DGAT2: variants seen among roughly 807,000 people sequenced by gnomAD.
DGAT2 encodes the protein diacylglycerol O-acyltransferase 2.
A neutral mutation model predicts 48.4 loss-of-function variants in DGAT2; 33 were observed. The ratio of observed to expected loss-of-function variants is 0.68; its 90% CI spans 0.52 to 0.91. DGAT2 has a LOEUF of 0.91. DGAT2 is among the 40% of genes least tolerant of loss of function. The pLI, the probability that DGAT2 is intolerant of heterozygous loss-of-function variation, is 0.00. For missense variants in DGAT2, 446 were observed against 493.7 expected (o/e 0.90, Z 0.92); for synonymous variants, 191 against 194.1 (o/e 0.98, Z 0.13).
chr11:75,796,222 A>G, intron 4 of DGAT2, 106 bp from the exon 5 acceptor site: 1 of 935,500 alleles, frequency 1.1e-6, no homozygotes, highest in Non-Finnish European at 1.7e-6. Flanking sequence ...CCTCAGGCCC[A>G]TGGAGGTCCA....
At chr11:75,790,345 C>A in intron 3 of DGAT2, 50 bp downstream of exon 3, 1 of 1,461,620 alleles carries the variant, frequency 6.8e-7, no homozygotes, top group Non-Finnish European at 9.6e-7. Flanking sequence ...GGATGCTCTT[C>A]CCCCTGCACA....
At position 75,800,593 on chromosome 11, in the gene DGAT2, G is replaced by T; in HGVS notation, c.*85G>T. 2.1e-6 allele frequency: 3 copies of T among 1,461,304 alleles called. No individual in the cohort carries two copies. Among genetic ancestry groups the T allele is most frequent in the Non-Finnish European group, 2.8e-6 (3 of 1,088,050 alleles). 90.5% of individuals were successfully genotyped at this position (1,461,304 alleles called of 1,614,324 possible). A position where few individuals can be genotyped will look rare whatever the true frequency, so the allele number is the denominator to read the frequency against. On this transcript the variant is annotated 3_prime_UTR_variant, in exon 8 of 8. Transcript: ENST00000228027. The stretch of plus-strand genomic sequence containing the variant: ...AAATTTGGAAGTGTCATGGGTGTCT[G>T]TGGGTTATTTAAAAGAAATTATAAC...
rs1160331557 is a variant in DGAT2, at chr11:75,797,282, A to T, written c.759A>T (p.Ala253=). 6.4e-7 allele frequency: 1 copy of T among 1,571,034 alleles called. No homozygotes were observed. Among genetic ancestry groups the T allele is most frequent in the East Asian group, 2.4e-5 (1 of 41,806 alleles). Residue 253 remains alanine, a synonymous_variant, in exon 6 of 8, where the codon GCA becomes GCT. Coordinates refer to ENST00000228027, the MANE Select transcript of DGAT2 (RefSeq NM_032564.5). The part of the protein sequence containing the change: ...ESLSSMPGKN[A]VTLRNRKGFV... ...TGAGCTCCATGCCTGGCAAGAATGC[A>T]GTCACCCTGCGGAACCGCAAGGGCT...
intron 1 of DGAT2, among the ~76,000 whole-genome samples, chr11:75,771,723 CT>C (rs1944759720): frequency 6.6e-6 from 1 of 152,130 alleles, no homozygotes; most frequent in South Asian, 2.1e-4. Context: ...TTCCGTGTGG[CT>C]TCCCCCCTCA....
chr11:75,794,928 T>G (rs1286731820), intron 4 of DGAT2: 2 of 11,574 alleles, frequency 1.7e-4, no homozygotes, highest in Non-Finnish European at 2.1e-4. Context: ...TCCCCTCCCC[T>G]CCCCTCCCCT....
At chr11:75,789,732 A>G (rs776777998) in intron 2 of DGAT2, among the ~76,000 whole-genome samples, 2 of 152,166 alleles carry the variant, frequency 1.3e-5, no homozygotes, top group Non-Finnish European at 2.9e-5. Flanking sequence ...TATCTCTAAA[A>G]TGGGGCAAAG....
intron 1 of DGAT2, among the ~76,000 whole-genome samples, chr11:75,771,914 T>C (rs1331602910): frequency 1.3e-5 from 2 of 152,146 alleles, no homozygotes; most frequent in Admixed American, 6.5e-5. Flanking sequence ...CAGCAAGTAC[T>C]TGAGTTGTAA....
chr11:75,788,629 G>A (rs1398721243), intron 2 of DGAT2, among the ~76,000 whole-genome samples: 1 of 152,110 alleles, frequency 6.6e-6, no homozygotes. Flanking sequence ...TTCTCCCATG[G>A]GAAACCAAAG....
In DGAT2 at chr11:75,798,136, G is replaced by A. The variant is rs907486238; in HGVS notation, c.810-91G>A. On this transcript the variant is annotated intron_variant, in intron 6 of 7. Transcript: ENST00000228027. ...TCTGGTACACCCAGCTGGGGGAGGG[G>A]GATGCTTGGCCAGTGTCCAGGGCCT... The A allele has an allele frequency of 3.5e-5, 46 of 1,328,690 alleles. No individual in the cohort carries two copies. In the African/African-American group the frequency reaches 5.1e-4, roughly 15 times the overall value. 82.3% of individuals were successfully genotyped at this position (1,328,690 alleles called of 1,614,324 possible).
At chr11:75,771,303 G>A (rs542650867) in intron 1 of DGAT2, among the ~76,000 whole-genome samples, 30 of 152,236 alleles carry the variant, frequency 2.0e-4, no homozygotes, top group African/African-American at 7.2e-4. Flanking sequence ...CAGGACAGGA[G>A]GGATATATAT....
intron 1 of DGAT2, among the ~76,000 whole-genome samples, chr11:75,784,209 C>T (rs1201502154): frequency 2.6e-5 from 4 of 152,102 alleles, no homozygotes; most frequent in Non-Finnish European, 4.4e-5. Flanking sequence ...TGTCCTTGGC[C>T]TCACAGACAG....
intron 7 of DGAT2, among the ~76,000 whole-genome samples, chr11:75,799,838 G>C (rs1945092931): frequency 6.6e-6 from 1 of 151,858 alleles, no homozygotes; most frequent in Non-Finnish European, 1.5e-5. Flanking sequence ...GGCTGGTCTT[G>C]AACTCATGAG....
At chr11:75,769,174 G>A in intron 1 of DGAT2, 62 bp downstream of exon 1, 1 of 1,501,962 alleles carries the variant, frequency 6.7e-7, no homozygotes, top group Non-Finnish European at 8.8e-7. Context: ...GGGCCCTGTG[G>A]CAGGCTGGTG....
chr11:75,798,154 C>T, intron 6 of DGAT2, 73 bp from the exon 7 acceptor site: 1 of 1,519,600 alleles, frequency 6.6e-7, no homozygotes, highest in Non-Finnish European at 9.1e-7. Context: ...GGCCAGTGTC[C>T]AGGGCCTCTA....
At chr11:75,797,119 A>G (rs902630200) in intron 5 of DGAT2, 39 bp from the exon 6 acceptor site, 2 of 1,442,898 alleles carry the variant, frequency 1.4e-6, no homozygotes, top group Non-Finnish European at 1.8e-6. Flanking sequence ...GAGTGGATCC[A>G]TGGGCAACCC....
chr11:75,794,855 T>A (rs1945030693), intron 4 of DGAT2: 1 of 152,204 alleles, frequency 6.6e-6, no homozygotes, highest in African/African-American at 2.4e-5. Context: ...ATGGATTTTT[T>A]AAATTTTCTT....
At chr11:75,798,191 A>C (rs1348279587) in intron 6 of DGAT2, 36 bp from the exon 7 acceptor site, 1 of 1,604,758 alleles carries the variant, frequency 6.2e-7, no homozygotes, top group Non-Finnish European at 8.5e-7. Context: ...GAAGCCAGTA[A>C]GTAGGGTATG....
At chr11:75,797,113 G>A in intron 5 of DGAT2, 45 bp from the exon 6 acceptor site, 2 of 1,437,280 alleles carry the variant, frequency 1.4e-6, no homozygotes, top group Non-Finnish European at 1.8e-6. Context: ...GATGGGGAGT[G>A]GATCCATGGG....
At chr11:75,781,331 A>G (rs1944860452) in intron 1 of DGAT2, among the ~76,000 whole-genome samples, 1 of 152,246 alleles carries the variant, frequency 6.6e-6, no homozygotes, top group African/African-American at 2.4e-5. Flanking sequence ...TCAGGGAATC[A>G]TCAGGTAAGC....
Sources: allele counts gnomAD v4.1 joint callset (sites outside exome capture counted in the v4.1 genomes callset), GRCh38; gene constraint gnomAD v4.1.1; transcripts MANE v1.5; gene names NCBI Gene and HGNC (gene_info 2026-07-23, HGNC 2026-07-21).